The following SBF1 variants were observed in gnomAD, a reference collection of about 807,000 sequenced individuals.
The protein encoded by SBF1 is SET binding factor 1.
A neutral mutation model predicts 215.8 loss-of-function variants in SBF1; 65 were observed. The observed-to-expected ratio is 0.30, with a 90% confidence interval of 0.25 to 0.37. The LOEUF (loss-of-function observed/expected upper bound fraction) is 0.37, where lower values mean the gene tolerates loss of function less well. Among genes scored for constraint, SBF1 ranks in the 10% least tolerant of loss-of-function variants. The pLI is 1.00. For synonymous variants in SBF1, 1,410 were observed against 1,122.8 expected, an observed-to-expected ratio of 1.26 and a Z score of -5.11; for missense variants, 2,634 against 2,667.8, an observed-to-expected ratio of 0.99 and a Z score of 0.28.
chr22:50,466,574 A>C, intron 6 of SBF1, 31 bp downstream of exon 6: 2 of 1,534,496 alleles, frequency 1.3e-6, no homozygotes, highest in South Asian at 2.4e-5. Context: ...CCCGAGGGGA[A>C]GCCATGCGGG....
chr22:50,459,358 C>T lies in SBF1; in HGVS notation c.3723G>A (p.Gln1241=), dbSNP rs2067400124. 6.2e-7 allele frequency: 1 copy of T among 1,612,514 alleles called. No individual in the cohort carries two copies. The highest frequency in any genetic ancestry group is 1.3e-5 in the African/African-American group (1 of 74,930). ...TGACCACAGCCTGCAGGTACTTCTC[C>T]TGCTCCAGGCTACTCGAGTCCGCCT... is the stretch of plus-strand genomic sequence containing the variant. ...QSQADSSSLE[Q]EKYLQAVVSS... is the part of the protein sequence containing the mutation. The change falls in exon 28 of 41, where the codon CAG becomes CAA. Residue 1241 remains glutamine, a synonymous_variant. Coordinates refer to ENST00000380817, the MANE Select transcript of SBF1 (RefSeq NM_002972.4).
intron 15 of SBF1, among the ~76,000 whole-genome samples, chr22:50,463,861 A>C (rs573569450): frequency 6.6e-6 from 1 of 152,378 alleles, no homozygotes; most frequent in Admixed American, 6.5e-5. Context: ...ATGAAAAACA[A>C]GAGTCTCCAA....
Position 50,454,600 on chromosome 22 carries a change from CCTCCATCAGACCGTT to C in SBF1, c.4940_4954del (p.Glu1647_Gly1651del), listed in dbSNP as rs1569509935. On this transcript the variant is annotated inframe_deletion, in exon 36 of 41. Transcript: ENST00000380817. The stretch of plus-strand genomic sequence containing the variant: ...CACGCGGCGCCTGCTCTGGGGAGCG[CCTCCATCAGACCGTT>C]CTTCCTCTGGGGGTTCAGGGGGCCC... The C allele has an allele frequency of 6.2e-7, 1 of 1,610,252 alleles. No individual in the cohort carries two copies. Among genetic ancestry groups the C allele is most frequent in the Non-Finnish European group, 8.5e-7 (1 of 1,178,654 alleles).
In SBF1 at chr22:50,462,956, G is replaced by A. The variant is rs756911359; in HGVS notation, c.1900-18C>T. The A allele has an allele frequency of 1.2e-6, 2 of 1,603,346 alleles. No homozygotes were observed. The highest frequency in any genetic ancestry group is 1.3e-5 in the African/African-American group (1 of 74,828). ...GTGCAGTCCTGCAGGTAGAGCGAGA[G>A]ACCGTCAGGACCTCTCCCCTCCCAG... On this transcript the variant is annotated intron_variant, in intron 16 of 40. Transcript: ENST00000380817.
chr22:50,448,463 G>A lies in SBF1; in HGVS notation c.5152-19C>T. On this transcript the variant is annotated intron_variant, in intron 37 of 40. Transcript: ENST00000380817. ...GGGTGCCCTGGGAACAGGAGGTTGGGACTTGGGTCAGGGCTGGACAGACTC... is the reference window on the plus strand; with the variant it reads ...GGGTGCCCTGGGAACAGGAGGTTGGAACTTGGGTCAGGGCTGGACAGACTC... The A allele has an allele frequency of 6.2e-7, 1 of 1,612,768 alleles. No individual in the cohort carries two copies. The highest frequency in any genetic ancestry group is 8.5e-7 in the Non-Finnish European group (1 of 1,179,236).
In SBF1 at chr22:50,455,284, C is replaced by T; in HGVS notation, c.4494G>A (p.Leu1498=). 1 of 1,613,502 alleles carries T rather than the reference C, an allele frequency of 6.2e-7. No homozygotes were observed. Among genetic ancestry groups the T allele is most frequent in the Non-Finnish European group, 8.5e-7 (1 of 1,179,906 alleles). ...HRFSHRGAHT[L]AGQSSGFTPV... Reference sequence around the variant, plus strand: ...GTGTGAAGCCGCTGCTCTGCCCGGCCAGGGTGTGAGCTCCACGGTGGCTGA... The same window carrying T: ...GTGTGAAGCCGCTGCTCTGCCCGGCTAGGGTGTGAGCTCCACGGTGGCTGA... Residue 1498 remains leucine (L), a synonymous_variant, in exon 33 of 41, where the codon CTG becomes CTA. Transcript: ENST00000380817.
intron 5 of SBF1, chr22:50,467,040 C>T (rs2067795105): frequency 3.5e-6 from 2 of 578,064 alleles, no homozygotes; most frequent in African/African-American, 3.7e-5. Flanking sequence ...CGGTTAGACA[C>T]TCCAACACAC....
chr22:50,449,654 A>ACC (rs1556417464), intron 36 of SBF1, among the ~76,000 whole-genome samples: 9 of 148,870 alleles, frequency 6.0e-5, no homozygotes, highest in East Asian at 1.9e-4. Flanking sequence ...ACACACACAC[A>ACC]CACCCCAAAA....
chr22:50,470,977 G>A (rs997441533), intron 1 of SBF1, among the ~76,000 whole-genome samples: 5 of 152,190 alleles, frequency 3.3e-5, no homozygotes, highest in Non-Finnish European at 7.3e-5. Flanking sequence ...CCAGGGGGAT[G>A]TGGGGGGTTT....
At chr22:50,466,990 A>AAC in intron 5 of SBF1, 1 of 558,976 alleles carries the variant, frequency 1.8e-6, no homozygotes, top group South Asian at 2.3e-5. Context: ...CTCCTTCCTC[A>AAC]ACAGAGTCCA....
chr22:50,467,181 A>C (rs549369970), intron 5 of SBF1, 157 bp downstream of exon 5: 1 of 630,164 alleles, frequency 1.6e-6, no homozygotes, highest in South Asian at 1.9e-5. Context: ...CCAGGTAAGC[A>C]GGCCAGGACT....
At chr22:50,453,822 C>T (rs1215159139) in intron 36 of SBF1, among the ~76,000 whole-genome samples, 1 of 152,084 alleles carries the variant, frequency 6.6e-6, no homozygotes, top group Admixed American at 6.6e-5. Flanking sequence ...TAAGGCCACA[C>T]AGCCAACAGT....
chr22:50,461,465 T>A (rs902946523), intron 22 of SBF1, 58 bp downstream of exon 22: 5 of 1,523,514 alleles, frequency 3.3e-6, no homozygotes, highest in Non-Finnish European at 4.4e-6. Flanking sequence ...GGAAAGCCCA[T>A]CCATCCCAAA....
In SBF1 at chr22:50,466,358, G is replaced by T; in HGVS notation, c.780C>A (p.Leu260=). The part of the protein sequence containing the change: ...CRGLLALLFP[L]RYSFTYVPIL... ...GGCCGGGCAGGGGTCACCTGTATCT[G>T]AGAGGAAACAGCAGTGCCAGGAGGC... The change falls in exon 7 of 41, where the codon CTC becomes CTA. Residue 260 remains leucine (L), a synonymous_variant. Transcript: ENST00000380817. 1 of 1,568,324 alleles carries T rather than the reference G, an allele frequency of 6.4e-7. No individual in the cohort carries two copies.
intron 38 of SBF1, 131 bp from the exon 39 acceptor site, chr22:50,447,740 T>G (rs1487824051): frequency 1.2e-5 from 8 of 669,674 alleles, no homozygotes; most frequent in Admixed American, 2.5e-5. Flanking sequence ...AGAACTGACC[T>G]AAGCCCAGAG....
intron 5 of SBF1, 127 bp downstream of exon 5, chr22:50,467,211 C>A (rs1018861747): frequency 1.4e-6 from 1 of 735,646 alleles, no homozygotes; most frequent in Admixed American, 2.5e-5. Context: ...AATGGTGGCA[C>A]GAGGACGCAA....
In SBF1 at chr22:50,446,979, CGGGCG is replaced by C. The variant is rs963346132; in HGVS notation, c.*158_*162del. ...GACGCCAAAATAAGTTAGGGCCGGC[CGGGCG>C]GGGCGGGGCGGGGACGGGGGCTGTA... is the stretch of plus-strand genomic sequence containing the variant. On this transcript the variant is annotated 3_prime_UTR_variant, in exon 41 of 41. Transcript: ENST00000380817. The C allele has an allele frequency of 7.1e-4, 509 of 720,662 alleles. 5 individuals are homozygous for C. The highest frequency in any genetic ancestry group is 1.3e-3 in the South Asian group (84 of 64,690). 44.6% of individuals were successfully genotyped at this position (720,662 alleles called of 1,614,324 possible).
At chr22:50,461,380 G>C (rs1357391838) in intron 22 of SBF1, 94 bp from the exon 23 acceptor site, 2 of 1,514,156 alleles carry the variant, frequency 1.3e-6, no homozygotes, top group Non-Finnish European at 1.8e-6. Context: ...AATCCCAAGT[G>C]GGTGGGGAAG....
rs373208315 is a variant in SBF1 at position 50,456,520 on chromosome 22, T to A, written c.4058A>T (p.Tyr1353Phe). The change falls in exon 30 of 41, where the codon TAT becomes TTT. Residue 1353 changes from tyrosine to phenylalanine, a missense_variant. Physicochemically the swap from Tyr to Phe is conservative, Grantham distance 22 (BLOSUM62 3). Transcript: ENST00000380817. ...GFLRPQRAAL[Y>F]ILGDKAQLKG... Reference sequence around the variant, plus strand: ...GAGCTGGGCTTTGTCCCCAAGGATATAGAGGGCTGCTCGCTGCGGACGCAG... The same window carrying A: ...GAGCTGGGCTTTGTCCCCAAGGATAAAGAGGGCTGCTCGCTGCGGACGCAG... The A allele has an allele frequency of 2.6e-6, 4 of 1,527,906 alleles. No homozygotes were observed. The highest frequency in any genetic ancestry group is 2.6e-6 in the Non-Finnish European group (3 of 1,133,946). The allele number at this position is 1,527,906 out of a possible 1,614,324, so 94.6% of individuals were successfully genotyped here.
Sources: gnomAD v4.1 joint callset for allele counts (sites outside exome capture counted in the v4.1 genomes callset) on GRCh38, gnomAD v4.1.1 for gene constraint, MANE v1.5 for transcripts, NCBI Gene and HGNC (gene_info 2026-07-23, HGNC 2026-07-21) for gene names.